TM4SF4: variants seen among roughly 807,000 people sequenced by gnomAD.
TM4SF4 encodes transmembrane 4 L6 family member 4.
Under a neutral mutation model 24.1 loss-of-function variants are expected in TM4SF4, and 24 were observed. The observed-to-expected ratio is 1.00, with a 90% CI of 0.72 to 1.40. TM4SF4 has a LOEUF of 1.40. Ranked by LOEUF, TM4SF4 falls within the 40% of genes most tolerant of loss-of-function variation. The pLI is 0.00. For missense variants in TM4SF4, 254 were observed against 254.2 expected (o/e 1.00, Z 0.01); for synonymous variants, 113 against 97.0 (o/e 1.17, Z -0.97).
At chr3:149,483,801 G>A (rs1288787857) in intron 2 of TM4SF4, among the ~76,000 whole-genome samples, 1 of 152,018 alleles carries the variant, frequency 6.6e-6, no homozygotes, top group East Asian at 1.9e-4. Flanking sequence ...ACTATTTTGA[G>A]ACAGAGTCTC....
chr3:149,487,996 C>T (rs1734148898), intron 3 of TM4SF4, among the ~76,000 whole-genome samples: 1 of 152,122 alleles, frequency 6.6e-6, no homozygotes, highest in African/African-American at 2.4e-5. Context: ...CCTCCTTTGG[C>T]CTGAGGGAAG....
chr3:149,486,084 T>A (rs1011781614), intron 2 of TM4SF4, among the ~76,000 whole-genome samples: 1 of 152,160 alleles, frequency 6.6e-6, no homozygotes, highest in African/African-American at 2.4e-5. Context: ...CCAGCTAAAG[T>A]AGAACTCCAT....
At chr3:149,499,499 G>A (rs532842422) in intron 4 of TM4SF4, among the ~76,000 whole-genome samples, 2 of 152,292 alleles carry the variant, frequency 1.3e-5, no homozygotes, top group Admixed American at 1.3e-4. Flanking sequence ...CTTGCAGACA[G>A]TAAGACAGTC....
chr3:149,476,486 C>A (rs571661769), intron 2 of TM4SF4, among the ~76,000 whole-genome samples: 1 of 136,368 alleles, frequency 7.3e-6, no homozygotes, highest in South Asian at 2.2e-4. Flanking sequence ...GAACTAGAGA[C>A]GTTAGGCATC....
At chr3:149,476,222 G>GCATT (rs1308501751) in intron 2 of TM4SF4, among the ~76,000 whole-genome samples, 1 of 152,248 alleles carries the variant, frequency 6.6e-6, no homozygotes, top group Middle Eastern at 3.2e-3. Context: ...TGAAGCTGCA[G>GCATT]CATTCCTCTG....
intron 3 of TM4SF4, among the ~76,000 whole-genome samples, chr3:149,494,080 C>T (rs1490616762): frequency 6.6e-6 from 1 of 152,218 alleles, no homozygotes; most frequent in Non-Finnish European, 1.5e-5. Context: ...TTCTGCTCTC[C>T]TTGCTTCACT....
chr3:149,498,991 G>T (rs80092430), intron 4 of TM4SF4, 80 bp downstream of exon 4: 97,145 of 1,476,032 alleles, frequency 0.066, 3,573 homozygotes, highest in Admixed American at 0.099. Flanking sequence ...GCCAGGTCAG[G>T]CCACCAGCAC....
At chr3:149,477,084 G>A (rs1733945818) in intron 2 of TM4SF4, among the ~76,000 whole-genome samples, 1 of 152,074 alleles carries the variant, frequency 6.6e-6, no homozygotes, top group East Asian at 1.9e-4. Context: ...ACAGGTGTGA[G>A]GCACTGTGCC....
In TM4SF4 at chr3:149,475,114, A is replaced by G. The variant is rs1187690080; in HGVS notation, c.174+63A>G. On this transcript the variant is annotated intron_variant, in intron 1 of 4. Transcript: ENST00000305354. ...TTCCCTTCCCCACAATCCTTTTTAAATCAGGTACTTATTGAACAGGGAGAT... is the reference window on the plus strand; with the variant it reads ...TTCCCTTCCCCACAATCCTTTTTAAGTCAGGTACTTATTGAACAGGGAGAT... The G allele has an allele frequency of 2.0e-6, 3 of 1,517,170 alleles. No homozygotes were observed. In the African/African-American group the frequency reaches 4.2e-5, roughly 21 times the overall value. 94.0% of individuals were successfully genotyped at this position (1,517,170 alleles called of 1,614,324 possible). A position where few individuals can be genotyped will look rare whatever the true frequency, so the allele number is the denominator to read the frequency against.
At position 149,503,356 on chromosome 3, in the gene TM4SF4, T is replaced by C. The variant is rs538058782; in HGVS notation, c.*663T>C. 4 of 152,338 alleles carry C rather than the reference T, an allele frequency of 2.6e-5. No individual in the cohort carries two copies. The highest frequency in any genetic ancestry group is 5.9e-5 in the Non-Finnish European group (4 of 68,034). The allele number at this position is 152,338 out of a possible 1,614,324, so 9.4% of individuals were successfully genotyped here. On this transcript the variant is annotated 3_prime_UTR_variant, in exon 5 of 5. Transcript: ENST00000305354. ...AACAACTCATCTTTTCTACAAATGC[T>C]TCCTTTGATCAAACAAAAAAAAGTT...
intron 4 of TM4SF4, among the ~76,000 whole-genome samples, chr3:149,499,381 A>G (rs934565707): frequency 5.3e-5 from 8 of 152,210 alleles, no homozygotes; most frequent in Middle Eastern, 3.2e-3. Flanking sequence ...TCTGATACAG[A>G]AAAAGAGGTA....
chr3:149,502,802 A>AGG lies in TM4SF4; in HGVS notation c.*109_*110insGG. ...AATTCCTATCTGCTTCCTAGCTGAT[A>AGG]AAGCTTAGAAAAGGCAGTTATTCCT... is the stretch of plus-strand genomic sequence containing the variant. On this transcript the variant is annotated 3_prime_UTR_variant, in exon 5 of 5. Transcript: ENST00000305354. 2 of 767,176 alleles carry AGG rather than the reference A, an allele frequency of 2.6e-6. No homozygotes were observed. The highest frequency in any genetic ancestry group is 4.4e-6 in the Non-Finnish European group (2 of 453,402). 47.5% of individuals were successfully genotyped at this position (767,176 alleles called of 1,614,324 possible).
At chr3:149,480,559 T>G (rs946499763) in intron 2 of TM4SF4, among the ~76,000 whole-genome samples, 8 of 152,176 alleles carry the variant, frequency 5.3e-5, no homozygotes, top group Admixed American at 1.3e-4. Context: ...TGTGTTGTGG[T>G]CAGCACTTCT....
At chr3:149,490,289 T>C (rs765741217) in intron 3 of TM4SF4, among the ~76,000 whole-genome samples, 1 of 152,240 alleles carries the variant, frequency 6.6e-6, no homozygotes, top group Admixed American at 6.5e-5. Flanking sequence ...TTTTTGATGT[T>C]ATCTACTACT....
rs539353809 is a variant in TM4SF4, at chr3:149,488,197, T to C, written c.401+442T>C. On this transcript the variant is annotated intron_variant, in intron 3 of 4. Transcript: ENST00000305354. The stretch of plus-strand genomic sequence containing the variant: ...AAATTGCCTATAATTAAACAATCAT[T>C]TAAGTGCAAATGTACAGAAAATGAC... Among the ~76,000 whole-genome samples, 13 of 152,330 alleles carry C rather than the reference T, an allele frequency of 8.5e-5. No individual in the cohort carries two copies. In the South Asian group the frequency reaches 2.5e-3, roughly 29 times the overall value.
intron 2 of TM4SF4, among the ~76,000 whole-genome samples, chr3:149,481,337 T>A (rs1734029742): frequency 6.6e-6 from 1 of 152,082 alleles, no homozygotes; most frequent in South Asian, 2.1e-4. Flanking sequence ...AATAAGTACT[T>A]GCTGGATGGA....
intron 2 of TM4SF4, among the ~76,000 whole-genome samples, chr3:149,484,486 C>T (rs934641097): frequency 6.6e-6 from 1 of 151,950 alleles, no homozygotes; most frequent in Admixed American, 6.6e-5. Context: ...CGGGCTCAAG[C>T]GATTCTCCTG....
intron 3 of TM4SF4, chr3:149,494,999 G>A: frequency 9.5e-6 from 2 of 211,038 alleles, no homozygotes; most frequent in Admixed American, 4.7e-5. Context: ...TGTTGCTGTT[G>A]GTGTTGGTGA....
At chr3:149,491,295 CAA>C (rs34935957) in intron 3 of TM4SF4, among the ~76,000 whole-genome samples, 11 of 125,646 alleles carry the variant, frequency 8.8e-5, no homozygotes, top group Non-Finnish European at 8.5e-5. Flanking sequence ...CGCCCCTCTA[CAA>C]AAAAAAAAAA....
Sources: allele counts gnomAD v4.1 joint callset (sites outside exome capture counted in the v4.1 genomes callset), GRCh38; gene constraint gnomAD v4.1.1; transcripts MANE v1.5; gene names NCBI Gene and HGNC (gene_info 2026-07-23, HGNC 2026-07-21).